ZNF716: variants seen among roughly 807,000 people sequenced by gnomAD.
The protein encoded by ZNF716 is zinc finger protein 716.
Under a neutral mutation model 13.4 loss-of-function variants are expected in ZNF716, and 9 were observed. That is an observed-to-expected ratio of 0.67 (90% CI 0.41 to 1.18). The LOEUF (loss-of-function observed/expected upper bound fraction) is 1.18. ZNF716 is among the 50% of genes most tolerant of loss of function. The pLI is 0.01. For missense variants in ZNF716, 581 were observed against 576.6 expected (o/e 1.01, Z -0.08); for synonymous variants, 186 against 195.2 (o/e 0.95, Z 0.39).
chr7:57,458,021 T>C (rs1762949688), intron 1 of ZNF716, among the ~76,000 whole-genome samples: 1 of 152,204 alleles, frequency 6.6e-6, no homozygotes, highest in South Asian at 2.1e-4. Flanking sequence ...TATTTCATGG[T>C]CTTTATGTAC....
At chr7:57,451,032 T>A (rs1031054224) in intron 1 of ZNF716, among the ~76,000 whole-genome samples, 2 of 152,120 alleles carry the variant, frequency 1.3e-5, no homozygotes, top group African/African-American at 4.8e-5. Context: ...ATGCATTTTT[T>A]TTTTTTTGAG....
rs192313669 is a variant in ZNF716, at chr7:57,468,948, G to A, written c.487G>A (p.Val163Ile). 8.9e-4 allele frequency: 1,433 copies of A among 1,610,148 alleles called. 8 individuals are homozygous for A. The East Asian group carries it at 0.012, about 13-fold the overall frequency. The stretch of plus-strand genomic sequence containing the variant: ...CAAAACATTTCAGACTCATAAATGC[G>A]TCAAAGTCTTTGGTAAATTTTCAAA... ...QNKTFQTHKCVKVFGKFSNSN... is the reference protein window; with the variant it reads ...QNKTFQTHKCIKVFGKFSNSN... Residue 163 changes from valine (V) to isoleucine (I), a missense_variant, in exon 4 of 4, where the codon GTC becomes ATC. By Grantham distance (29) the Val-to-Ile change is conservative (BLOSUM62 3). Coordinates refer to ENST00000420713, the MANE Select transcript of ZNF716 (RefSeq NM_001159279.1).
chr7:57,462,631 C>G, intron 2 of ZNF716, 45 bp downstream of exon 2: 1 of 1,541,970 alleles, frequency 6.5e-7, no homozygotes. Context: ...TTGCCTTTCT[C>G]TCTTTTCTAA....
intron 1 of ZNF716, among the ~76,000 whole-genome samples, chr7:57,451,735 A>T (rs1270515191): frequency 6.7e-6 from 1 of 150,258 alleles, no homozygotes; most frequent in Non-Finnish European, 1.5e-5. Flanking sequence ...GGAATAGGCT[A>T]TCACACCCAG....
At position 57,470,441 on chromosome 7, in the gene ZNF716, A is replaced by G. The variant is rs1554325122; in HGVS notation, c.*492A>G. On this transcript the variant is annotated 3_prime_UTR_variant, in exon 4 of 4. Coordinates refer to ENST00000420713, the MANE Select transcript of ZNF716 (RefSeq NM_001159279.1). Reference sequence around the variant, plus strand: ...AGCCTCCCAAAGCCTAAGAGAATTTATATTAGAGAGACTCTACAAAGGTCA... The same window carrying G: ...AGCCTCCCAAAGCCTAAGAGAATTTGTATTAGAGAGACTCTACAAAGGTCA... The G allele has an allele frequency of 6.4e-6, 1 of 156,732 alleles. No homozygotes were observed. Among genetic ancestry groups the G allele is most frequent in the African/African-American group, 2.4e-5 (1 of 41,468 alleles). The allele number at this position is 156,732 out of a possible 1,614,324, so 9.7% of individuals were successfully genotyped here. A position where few individuals can be genotyped will look rare whatever the true frequency, so the allele number is the denominator to read the frequency against.
At chr7:57,467,519 C>A (rs1249160234) in intron 3 of ZNF716, among the ~76,000 whole-genome samples, 2 of 141,840 alleles carry the variant, frequency 1.4e-5, no homozygotes, top group African/African-American at 5.2e-5. Flanking sequence ...TTTTTTTCAG[C>A]ACTTTGACCA....
At chr7:57,458,938 C>T (rs1267562383) in intron 1 of ZNF716, among the ~76,000 whole-genome samples, 1 of 152,068 alleles carries the variant, frequency 6.6e-6, no homozygotes, top group Non-Finnish European at 1.5e-5. Context: ...ACTTTTTATT[C>T]TTAACACTGC....
intron 3 of ZNF716, among the ~76,000 whole-genome samples, chr7:57,468,518 A>G (rs1789853536): frequency 6.6e-6 from 1 of 152,150 alleles, no homozygotes; most frequent in Non-Finnish European, 1.5e-5. Flanking sequence ...TGGTGCCCAC[A>G]GTTACCTTAC....
At position 57,469,680 on chromosome 7, in the gene ZNF716, C is replaced by A. The variant is rs782368687; in HGVS notation, c.1219C>A (p.Pro407Thr). ...CAAGAGAACTCATACTGGAGAGAAACCCTACAAATGTGAAGAATGTGGCAA... is the reference window on the plus strand; with the variant it reads ...CAAGAGAACTCATACTGGAGAGAAAACCTACAAATGTGAAGAATGTGGCAA... ...YHKRTHTGEKPYKCEECGKAF... is the reference protein window; with the variant it reads ...YHKRTHTGEKTYKCEECGKAF... Residue 407 changes from proline (P) to threonine (T), a missense_variant, in exon 4 of 4, where the codon CCC (proline) becomes ACC (threonine). Pro to Thr is a conservative substitution (Grantham distance 38). Transcript: ENST00000420713. 2 of 1,609,532 alleles carry A rather than the reference C, an allele frequency of 1.2e-6. No individual in the cohort carries two copies. The highest frequency in any genetic ancestry group is 1.7e-5 in the Admixed American group (1 of 59,724).
intron 1 of ZNF716, among the ~76,000 whole-genome samples, chr7:57,453,599 C>T (rs1789534252): frequency 6.6e-6 from 1 of 152,118 alleles, no homozygotes; most frequent in Admixed American, 6.5e-5. Context: ...TAGAAATTTT[C>T]TCAGGTGTGT....
At position 57,468,584 on chromosome 7, in the gene ZNF716, T is replaced by C. The variant is rs1583723885; in HGVS notation, c.263-140T>C. On this transcript the variant is annotated intron_variant, in intron 3 of 3. Transcript: ENST00000420713. ...ACTACTATTTTGTTACATTTATACA[T>C]CTATGAAGGAATTACGGCTTGTGGT... The C allele has an allele frequency of 6.0e-6, 5 of 838,986 alleles. No individual in the cohort carries two copies. In the East Asian group the frequency reaches 1.5e-4, roughly 25 times the overall value. 52.0% of individuals were successfully genotyped at this position (838,986 alleles called of 1,614,324 possible). A position where few individuals can be genotyped will look rare whatever the true frequency, so the allele number is the denominator to read the frequency against.
chr7:57,455,685 T>G (rs536857460), intron 1 of ZNF716, among the ~76,000 whole-genome samples: 52 of 152,052 alleles, frequency 3.4e-4, no homozygotes, highest in African/African-American at 1.0e-3. Context: ...GCTGGCTTAT[T>G]TTTTGCATTT....
chr7:57,469,493 A>G lies in ZNF716; in HGVS notation c.1032A>G (p.Ile344Met). 2 of 1,612,914 alleles carry G rather than the reference A, an allele frequency of 1.2e-6. No homozygotes were observed. The highest frequency in any genetic ancestry group is 1.7e-6 in the Non-Finnish European group (2 of 1,179,398). ...SLSSTLKKHK[I>M]VHTGEKLYTC... ...CCTCAACCCTTAAGAAACATAAGAT[A>G]GTTCATACTGGGGAGAAACTCTACA... is the stretch of plus-strand genomic sequence containing the variant. Residue 344 changes from isoleucine to methionine, a missense_variant, in exon 4 of 4, where the codon ATA (isoleucine) becomes ATG (methionine). Ile to Met is a conservative substitution (Grantham distance 10). Transcript: ENST00000420713.
rs760549810 is a variant in ZNF716, at chr7:57,472,871, G to A, written c.*2922G>A. ...TTTTTTTTTAATTTTTGTGGGTAGTGTGCATACACACTTATGGCATATATG... is the reference window on the plus strand; with the variant it reads ...TTTTTTTTTAATTTTTGTGGGTAGTATGCATACACACTTATGGCATATATG... On this transcript the variant is annotated 3_prime_UTR_variant, in exon 4 of 4. Transcript: ENST00000420713. The A allele has an allele frequency of 2.0e-5, 3 of 151,988 alleles. No individual in the cohort carries two copies. Among genetic ancestry groups the A allele is most frequent in the Non-Finnish European group, 4.4e-5 (3 of 68,016 alleles). The allele number at this position is 151,988 out of a possible 1,614,324, so 9.4% of individuals were successfully genotyped here. A position where few individuals can be genotyped will look rare whatever the true frequency, so the allele number is the denominator to read the frequency against.
At chr7:57,456,592 G>C (rs1313062502) in intron 1 of ZNF716, among the ~76,000 whole-genome samples, 9 of 152,060 alleles carry the variant, frequency 5.9e-5, no homozygotes, top group African/African-American at 1.4e-4. Flanking sequence ...AAAATTAGCC[G>C]AGCATGGTGA....
In ZNF716 at chr7:57,468,814, G is replaced by T. The variant is rs782500135; in HGVS notation, c.353G>T (p.Cys118Phe). The change falls in exon 4 of 4, where the codon TGT becomes TTT. Residue 118 changes from cysteine (C) to phenylalanine (F), a missense_variant. Cys to Phe is a radical substitution (Grantham distance 205). Transcript: ENST00000420713. ...QKVILRRYGKCGQEDLQVKKC... is the reference protein window; with the variant it reads ...QKVILRRYGKFGQEDLQVKKC... ...GTGATACTGAGAAGATATGGAAAAT[G>T]TGGACAGGAGGATTTACAAGTAAAA... The T allele has an allele frequency of 3.1e-6, 5 of 1,613,672 alleles. No homozygotes were observed. The highest frequency in any genetic ancestry group is 4.2e-6 in the Non-Finnish European group (5 of 1,179,860).
intron 3 of ZNF716, among the ~76,000 whole-genome samples, chr7:57,466,256 T>C (rs1484124199): frequency 6.6e-6 from 1 of 152,094 alleles, no homozygotes; most frequent in Non-Finnish European, 1.5e-5. Flanking sequence ...AAAAGAATAT[T>C]GTGTGTCCAA....
At position 57,473,530 on chromosome 7, in the gene ZNF716, A is replaced by T. The variant is rs1789987108; in HGVS notation, c.*3581A>T. 6.7e-6 allele frequency: 1 copy of T among 150,276 alleles called. No homozygotes were observed. The allele number at this position is 150,276 out of a possible 1,614,324, so 9.3% of individuals were successfully genotyped here. On this transcript the variant is annotated 3_prime_UTR_variant, in exon 4 of 4. Transcript: ENST00000420713. ...GCGAGAAACCATCTCAAAAAAAAAA[A>T]TAAATAAATAAAAGATATACCTTAA... is the stretch of plus-strand genomic sequence containing the variant.
chr7:57,464,298 T>C (rs1789766134), intron 3 of ZNF716, among the ~76,000 whole-genome samples: 2 of 151,952 alleles, frequency 1.3e-5, no homozygotes, highest in Non-Finnish European at 2.9e-5. Flanking sequence ...ATTTTGTATT[T>C]TTTGTAGAGA....
Sources: allele counts gnomAD v4.1 joint callset (sites outside exome capture counted in the v4.1 genomes callset), GRCh38; gene constraint gnomAD v4.1.1; transcripts MANE v1.5; gene names NCBI Gene and HGNC (gene_info 2026-07-23, HGNC 2026-07-21).